KIF3B: variants seen among roughly 807,000 people sequenced by gnomAD.
KIF3B encodes the protein kinesin family member 3B, also known as kinesin-like protein KIF3B.
Under a neutral mutation model 74.3 loss-of-function variants are expected in KIF3B, and 38 were observed. The ratio of observed to expected loss-of-function variants is 0.51; its 90% CI spans 0.39 to 0.67. The LOEUF (loss-of-function observed/expected upper bound fraction) is 0.67. KIF3B is among the 30% of genes least tolerant of loss of function. The probability of loss-of-function intolerance (pLI) is 0.00; values close to 1 mark genes in which losing one functional copy is unlikely to be tolerated. For missense variants in KIF3B, 649 were observed against 932.0 expected (o/e 0.70, Z 3.95); for synonymous variants, 326 against 342.5 (o/e 0.95, Z 0.53).
Position 32,309,742 on chromosome 20 carries a change from G to A in KIF3B, c.-36G>A. 1.3e-6 allele frequency: 2 copies of A among 1,583,258 alleles called. No individual in the cohort carries two copies. Among genetic ancestry groups the A allele is most frequent in the Non-Finnish European group, 1.7e-6 (2 of 1,164,044 alleles). On this transcript the variant is annotated 5_prime_UTR_variant, in exon 2 of 9. Transcript: ENST00000375712. ...GTAGCATCCTGAGACATTTTGAATT[G>A]ACACTTCTCAAGATTTGACTGGATC...
chr20:32,321,820 A>G (rs2047861185), intron 5 of KIF3B, among the ~76,000 whole-genome samples: 2 of 152,208 alleles, frequency 1.3e-5, no homozygotes, highest in African/African-American at 4.8e-5. Flanking sequence ...TATTAGCAAT[A>G]AAGTATTCTT....
chr20:32,297,465 T>G (rs916078731), intron 1 of KIF3B, among the ~76,000 whole-genome samples: 4 of 152,244 alleles, frequency 2.6e-5, no homozygotes, highest in Non-Finnish European at 5.9e-5. Flanking sequence ...TTTTTACGTG[T>G]GTCTTTATTT....
chr20:32,322,770 A>ATATATATATTTATATATATT (rs1309881153), intron 5 of KIF3B, among the ~76,000 whole-genome samples: 1 of 40,358 alleles, frequency 2.5e-5, no homozygotes, highest in African/African-American at 1.4e-4. Flanking sequence ...ATATATATTT[A>ATATATATATTTATATATATT]TATATATATT....
chr20:32,295,802 T>C (rs2047713875), intron 1 of KIF3B, among the ~76,000 whole-genome samples: 5 of 151,736 alleles, frequency 3.3e-5, no homozygotes, highest in Admixed American at 3.3e-4. Flanking sequence ...AGGTCCCGAA[T>C]TTAGGTCTCC....
intron 5 of KIF3B, among the ~76,000 whole-genome samples, chr20:32,322,564 C>T (rs1220119180): frequency 2.8e-5 from 4 of 140,460 alleles, no homozygotes; most frequent in Non-Finnish European, 6.0e-5. Context: ...GCCGAGATTG[C>T]GCCATTGCAC....
At chr20:32,311,346 A>G (rs1366331494) in intron 2 of KIF3B, among the ~76,000 whole-genome samples, 165 bp downstream of exon 2, 1 of 152,176 alleles carries the variant, frequency 6.6e-6, no homozygotes, top group Non-Finnish European at 1.5e-5. Context: ...TTTAATTGAC[A>G]TGAATATGAT....
chr20:32,316,448 A>G, intron 3 of KIF3B, 79 bp from the exon 4 acceptor site: 2 of 1,594,444 alleles, frequency 1.3e-6, no homozygotes, highest in Non-Finnish European at 1.7e-6. Context: ...TCCTAGCTGG[A>G]GACTCTGATC....
intron 1 of KIF3B, among the ~76,000 whole-genome samples, chr20:32,308,177 A>AGT (rs951589674): frequency 6.6e-6 from 1 of 152,162 alleles, no homozygotes; most frequent in Non-Finnish European, 1.5e-5. Flanking sequence ...CAGAGCTTGC[A>AGT]GTGAGCCAAG....
At chr20:32,294,099 A>G (rs1290669749) in intron 1 of KIF3B, among the ~76,000 whole-genome samples, 2 of 152,262 alleles carry the variant, frequency 1.3e-5, no homozygotes, top group East Asian at 3.8e-4. Flanking sequence ...GTGACTATTG[A>G]ATACAATAAA....
Position 32,277,756 on chromosome 20 carries a change from C to A in KIF3B, c.-75C>A. 3.9e-6 allele frequency: 1 copy of A among 254,382 alleles called. No individual in the cohort carries two copies. The highest frequency in any genetic ancestry group is 1.2e-4 in the South Asian group (1 of 8,136). 15.8% of individuals were successfully genotyped at this position (254,382 alleles called of 1,614,324 possible). Reference sequence around the variant, plus strand: ...CCGCCGCCGCCGCCCGCTTTCGGCTCGGGCCTCAGGTGAGTCGGAGGGGCC... The same window carrying A: ...CCGCCGCCGCCGCCCGCTTTCGGCTAGGGCCTCAGGTGAGTCGGAGGGGCC... On this transcript the variant is annotated 5_prime_UTR_variant, in exon 1 of 9. Coordinates refer to ENST00000375712, the MANE Select transcript of KIF3B (RefSeq NM_004798.4).
chr20:32,285,048 T>C (rs1015947397), intron 1 of KIF3B, among the ~76,000 whole-genome samples: 2 of 150,160 alleles, frequency 1.3e-5, no homozygotes, highest in Non-Finnish European at 2.9e-5. Flanking sequence ...TTAGCTGTCT[T>C]GTCAAAGGCC....
At chr20:32,312,814 T>C (rs1460454132) in intron 2 of KIF3B, among the ~76,000 whole-genome samples, 1 of 152,188 alleles carries the variant, frequency 6.6e-6, no homozygotes, top group East Asian at 1.9e-4. Context: ...CTTAGGGTAT[T>C]TGCAGCTTCA....
chr20:32,319,500 G>C (rs1034070593), intron 5 of KIF3B, among the ~76,000 whole-genome samples: 6 of 137,338 alleles, frequency 4.4e-5, no homozygotes, highest in African/African-American at 1.7e-4. Flanking sequence ...TATATATTTC[G>C]TATATATATG....
intron 1 of KIF3B, among the ~76,000 whole-genome samples, chr20:32,283,529 G>T (rs986761951): frequency 2.0e-5 from 3 of 151,056 alleles, no homozygotes; most frequent in Non-Finnish European, 4.4e-5. Flanking sequence ...TCTGTAGATG[G>T]CTAGGCATGG....
Position 32,311,176 on chromosome 20 carries a change from A to G in KIF3B, c.1399A>G (p.Ile467Val), listed in dbSNP as rs927039998. 6 of 1,607,718 alleles carry G rather than the reference A, an allele frequency of 3.7e-6. No homozygotes were observed. The Admixed American group carries it at 1.0e-4, about 27-fold the overall frequency. Residue 467 changes from isoleucine to valine, a missense_variant, in exon 2 of 9, where the codon ATC (isoleucine) becomes GTC (valine). Physicochemically the swap from Ile to Val is conservative, Grantham distance 29. This residue lies in a region of KIF3B where 363 missense variants were observed against 592.8 expected (regional missense o/e 0.61). Coordinates refer to ENST00000375712, the MANE Select transcript of KIF3B (RefSeq NM_004798.4). ...KDAAEMLGAK[I>V]KAMESKLLVG... ...TGCTGCCGAGATGCTGGGCGCCAAG[A>G]TCAAGGTACCATACCCGTACCCTTC...
chr20:32,330,398 A>G lies in KIF3B; in HGVS notation c.2147+79A>G, dbSNP rs146742533. On this transcript the variant is annotated intron_variant, in intron 8 of 8. Coordinates refer to ENST00000375712, the MANE Select transcript of KIF3B (RefSeq NM_004798.4). Reference sequence around the variant, plus strand: ...ACCAAAGCAAGAATGCTTGTTTATCATGGAATACTTTGCAGAACACACTAG... The same window carrying G: ...ACCAAAGCAAGAATGCTTGTTTATCGTGGAATACTTTGCAGAACACACTAG... 1.4e-3 allele frequency: 1,786 copies of G among 1,316,432 alleles called. 6 individuals are homozygous for G. In the African/African-American group the frequency reaches 0.016, roughly 12 times the overall value. 81.5% of individuals were successfully genotyped at this position (1,316,432 alleles called of 1,614,324 possible). A position where few individuals can be genotyped will look rare whatever the true frequency, so the allele number is the denominator to read the frequency against.
At position 32,310,523 on chromosome 20, in the gene KIF3B, G is replaced by A; in HGVS notation, c.746G>A (p.Ser249Asn). Reference protein sequence around the residue: ...GKLNLVDLAGSERQAKTGAQG... With the variant: ...GKLNLVDLAGNERQAKTGAQG... ...TTGAACCTTGTAGATCTTGCTGGCA[G>A]CGAACGGCAAGCCAAGACCGGCGCA... Residue 249 changes from serine (S) to asparagine (N), a missense_variant, in exon 2 of 9, where the codon AGC (serine) becomes AAC (asparagine). Transcript: ENST00000375712. This position sits in a 1 kb window ranked among gnomAD's most constrained non-coding sequence, Gnocchi z 6.5. 2 of 1,613,994 alleles carry A rather than the reference G, an allele frequency of 1.2e-6. No individual in the cohort carries two copies. Among genetic ancestry groups the A allele is most frequent in the South Asian group, 1.1e-5 (1 of 91,078 alleles).
intron 5 of KIF3B, among the ~76,000 whole-genome samples, chr20:32,317,289 C>T (rs1346512382): frequency 6.6e-6 from 1 of 152,102 alleles, no homozygotes; most frequent in Non-Finnish European, 1.5e-5. Flanking sequence ...TCTCCTGCCA[C>T]CCCATGTTCT....
rs756269082 is a variant in KIF3B at position 32,327,628 on chromosome 20, G to C, written c.1935G>C (p.Met645Ile). The part of the protein sequence containing the change: ...YKRPLSQHAR[M>I]SMMIRPEARY... The stretch of plus-strand genomic sequence containing the variant: ...GACCATTGAGCCAGCACGCAAGAAT[G>C]TCCATGATGATTCGTCCAGAGGCCC... The change falls in exon 7 of 9, where the codon ATG becomes ATC. Residue 645 changes from methionine to isoleucine, a missense_variant. Met to Ile is a conservative substitution (Grantham distance 10). Around this residue, in one of 4 missense-constraint regions of KIF3B, gnomAD observed 186 missense variants for 198.5 expected, o/e 0.94. Transcript: ENST00000375712. The C allele has an allele frequency of 4.3e-6, 7 of 1,613,432 alleles. No homozygotes were observed. The highest frequency in any genetic ancestry group is 5.9e-6 in the Non-Finnish European group (7 of 1,179,712).
Sources: allele counts gnomAD v4.1 joint callset (sites outside exome capture counted in the v4.1 genomes callset), GRCh38; gene constraint gnomAD v4.1.1; regional missense constraint gnomAD v4.1.1; non-coding constraint Gnocchi (gnomAD v3.1); transcripts MANE v1.5; gene names NCBI Gene and HGNC (gene_info 2026-07-23, HGNC 2026-07-21).